Variants in ERC2 observed in about 807,000 individuals in gnomAD.
The protein encoded by ERC2 is ERC protein 2.
A neutral mutation model predicts 114.8 loss-of-function variants in ERC2; 42 were observed. The ratio of observed to expected loss-of-function variants is 0.37; its 90% CI spans 0.29 to 0.47. ERC2 has a LOEUF of 0.47. Ranked by LOEUF, ERC2 falls within the 20% of genes least tolerant of loss-of-function variation. The pLI, the probability that ERC2 is intolerant of heterozygous loss-of-function variation, is 0.99. For synonymous variants in ERC2, 454 were observed against 425.5 expected (o/e 1.07, Z -0.82); for missense variants, 939 against 1,150.7 (o/e 0.82, Z 2.66).
chr3:56,072,816 G>C (rs1382083874), intron 7 of ERC2, among the ~76,000 whole-genome samples: 1 of 152,090 alleles, frequency 6.6e-6, no homozygotes, highest in African/African-American at 2.4e-5. Context: ...TTATCTGCTG[G>C]GTGGGCTATC....
intron 14 of ERC2, among the ~76,000 whole-genome samples, chr3:55,763,994 A>C (rs1176262200): frequency 6.6e-6 from 1 of 152,204 alleles, no homozygotes; most frequent in Non-Finnish European, 1.5e-5. Context: ...TCTCATGCAG[A>C]CCTACCCTTT....
chr3:56,464,888 A>C lies in ERC2; in HGVS notation c.-141+3360T>G, dbSNP rs537585649. ...GAGGATTTTAAAAAAAGAAAAAAGA[A>C]AAAAAAAAAGGCTAGAGGGTGTCCT... On this transcript the variant is annotated intron_variant, in intron 1 of 17. Transcript: ENST00000288221. Among the ~76,000 whole-genome samples the C allele has an allele frequency of 8.8e-5, 13 of 148,284 alleles. No individual in the cohort carries two copies. The South Asian group carries it at 1.5e-3, about 17-fold the overall frequency.
At chr3:55,718,500 A>G (rs766458101) in intron 15 of ERC2, among the ~76,000 whole-genome samples, 1 of 152,236 alleles carries the variant, frequency 6.6e-6, no homozygotes, top group Non-Finnish European at 1.5e-5. Flanking sequence ...CCTATTATCA[A>G]GTATATTTTC....
At chr3:55,996,049 C>G (rs759201962) in intron 10 of ERC2, among the ~76,000 whole-genome samples, 1 of 152,200 alleles carries the variant, frequency 6.6e-6, no homozygotes, top group African/African-American at 2.4e-5. Flanking sequence ...ACTTTAGACA[C>G]TACAGCGAAA....
At position 55,519,101 on chromosome 3, in the gene ERC2, G is replaced by A. The variant is rs546548089; in HGVS notation, c.*40-7825C>T. ...TCCTGGAGAACCCCACTTGGGTAGC[G>A]CCGGTACCTCTGCTCTCTGAGCTGC... is the stretch of plus-strand genomic sequence containing the variant. On this transcript the variant is annotated intron_variant, in intron 17 of 17. Coordinates refer to ENST00000288221, the MANE Select transcript of ERC2 (RefSeq NM_015576.3). Among the ~76,000 whole-genome samples, 9 of 152,276 alleles carry A rather than the reference G, an allele frequency of 5.9e-5. 1 individual carries two copies. The highest frequency in any genetic ancestry group is 4.1e-4 in the South Asian group (2 of 4,820).
rs565229709 is a variant in ERC2 at position 55,779,624 on chromosome 3, G to A, written c.2565-44706C>T. ...TACTTGTGACTATGATATAAAAACT[G>A]TAAGCTGCAACACTTGCAAAAAAAA... On this transcript the variant is annotated intron_variant, in intron 14 of 17. Coordinates refer to ENST00000288221, the MANE Select transcript of ERC2 (RefSeq NM_015576.3). Among the ~76,000 whole-genome samples the A allele has an allele frequency of 3.4e-4, 51 of 152,218 alleles. No homozygotes were observed. The South Asian group carries it at 0.011, about 32-fold the overall frequency.
chr3:56,405,003 G>A (rs2060659009), intron 2 of ERC2, among the ~76,000 whole-genome samples: 1 of 152,180 alleles, frequency 6.6e-6, no homozygotes, highest in African/African-American at 2.4e-5. Context: ...TGGGAGAATA[G>A]TCCTGGCAGA....
At chr3:56,391,395 T>C (rs959975233) in intron 2 of ERC2, among the ~76,000 whole-genome samples, 4 of 152,176 alleles carry the variant, frequency 2.6e-5, no homozygotes, top group South Asian at 2.1e-4. Context: ...TAGAACTTTA[T>C]AGTTTATCAA....
At chr3:56,289,149 A>C (rs1297268463) in intron 3 of ERC2, among the ~76,000 whole-genome samples, 1 of 151,794 alleles carries the variant, frequency 6.6e-6, no homozygotes, top group Non-Finnish European at 1.5e-5. Flanking sequence ...CCTCAACCTT[A>C]GCTCCTCCTG....
intron 17 of ERC2, among the ~76,000 whole-genome samples, chr3:55,628,971 T>C (rs2059634204): frequency 6.6e-6 from 1 of 152,226 alleles, no homozygotes; most frequent in Admixed American, 6.5e-5. Flanking sequence ...ATGAATGAAG[T>C]TGAGAACCAG....
At chr3:56,184,551 C>T (rs1444838470) in intron 3 of ERC2, among the ~76,000 whole-genome samples, 1 of 152,124 alleles carries the variant, frequency 6.6e-6, no homozygotes, top group Admixed American at 6.6e-5. Context: ...ACTTACCGCC[C>T]CATGGAAAAG....
intron 17 of ERC2, among the ~76,000 whole-genome samples, chr3:55,595,280 TTGC>T (rs537075852): frequency 2.0e-5 from 3 of 152,220 alleles, no homozygotes; most frequent in Non-Finnish European, 2.9e-5. Flanking sequence ...TTGATATGAC[TTGC>T]TTATCTTTAA....
intron 11 of ERC2, among the ~76,000 whole-genome samples, chr3:55,989,094 G>A (rs576117469): frequency 5.3e-5 from 8 of 152,302 alleles, no homozygotes; most frequent in Non-Finnish European, 2.9e-5. Flanking sequence ...GCTGCTGGAC[G>A]CAAGACACGG....
At chr3:56,415,169 G>A (rs1212042831) in intron 2 of ERC2, among the ~76,000 whole-genome samples, 4 of 152,148 alleles carry the variant, frequency 2.6e-5, no homozygotes, top group Non-Finnish European at 5.9e-5. Context: ...GAGCTCAAGA[G>A]GCCTTAGCTC....
rs1366152747 is a variant in ERC2, at chr3:56,161,432, GA to G, written c.1149+12013del. Among the ~76,000 whole-genome samples, 5 of 152,312 alleles carry G rather than the reference GA, an allele frequency of 3.3e-5. No homozygotes were observed. The South Asian group carries it at 1.0e-3, about 32-fold the overall frequency. On this transcript the variant is annotated intron_variant, in intron 4 of 17. Transcript: ENST00000288221. Reference sequence around the variant, plus strand: ...TTAGAAAAGTTTTTTCTAGTTCTGAGAAAACTGACATTGGTAGTTTGATAGG... The same window carrying G: ...TTAGAAAAGTTTTTTCTAGTTCTGAGAAACTGACATTGGTAGTTTGATAGG...
intron 7 of ERC2, among the ~76,000 whole-genome samples, chr3:56,060,142 A>G (rs761362920): frequency 6.6e-6 from 1 of 152,232 alleles, no homozygotes; most frequent in Admixed American, 6.5e-5. Flanking sequence ...TCTCTACTAC[A>G]CTGGGAACGT....
intron 3 of ERC2, among the ~76,000 whole-genome samples, chr3:56,206,406 C>T (rs999249008): frequency 7.2e-5 from 11 of 152,156 alleles, no homozygotes; most frequent in African/African-American, 2.7e-4. Context: ...ATATGAAAAG[C>T]TCAGCATAGA....
At chr3:55,717,299 C>T (rs377510951) in intron 15 of ERC2, among the ~76,000 whole-genome samples, 17 of 152,016 alleles carry the variant, frequency 1.1e-4, no homozygotes, top group African/African-American at 3.9e-4. Context: ...CCTTCTTTAC[C>T]TGTCAGTCTA....
In ERC2 at chr3:55,511,087, A is replaced by T. The variant is rs2052034520; in HGVS notation, c.*229T>A. The T allele has an allele frequency of 6.6e-6, 1 of 152,592 alleles. No homozygotes were observed. The highest frequency in any genetic ancestry group is 2.4e-5 in the African/African-American group (1 of 41,434). The allele number at this position is 152,592 out of a possible 1,614,324, so 9.5% of individuals were successfully genotyped here. A position where few individuals can be genotyped will look rare whatever the true frequency, so the allele number is the denominator to read the frequency against. ...TTTCCATCATAACCAAATCCATGAG[A>T]AATGACATGAGGTGGTGAAGGAAAT... On this transcript the variant is annotated 3_prime_UTR_variant, in exon 18 of 18. Coordinates refer to ENST00000288221, the MANE Select transcript of ERC2 (RefSeq NM_015576.3).
Sources: allele counts gnomAD v4.1 joint callset (sites outside exome capture counted in the v4.1 genomes callset), GRCh38; gene constraint gnomAD v4.1.1; transcripts MANE v1.5; gene names NCBI Gene and HGNC (gene_info 2026-07-23, HGNC 2026-07-21).